Variants in GABRG3 observed in about 807,000 individuals in gnomAD.
GABRG3 encodes gamma-aminobutyric acid receptor subunit gamma-3.
A neutral mutation model predicts 48.8 loss-of-function variants in GABRG3; 25 were observed. The observed-to-expected ratio is 0.51, with a 90% CI of 0.37 to 0.72. The LOEUF (loss-of-function observed/expected upper bound fraction) is 0.72, where lower values mean the gene tolerates loss of function less well. GABRG3 is among the 30% of genes least tolerant of loss of function. The pLI is 0.00. For missense variants in GABRG3, 394 were observed against 577.9 expected (o/e 0.68, Z 3.26); for synonymous variants, 227 against 217.6 (o/e 1.04, Z -0.38).
chr15:27,532,474 A>C, intron 9 of GABRG3, 126 bp from the exon 10 acceptor site: 2 of 757,716 alleles, frequency 2.6e-6, no homozygotes, highest in East Asian at 3.1e-5. Flanking sequence ...CATGGGGGGA[A>C]GGGCACACCC....
At chr15:27,090,661 A>T (rs769311966) in intron 3 of GABRG3, among the ~76,000 whole-genome samples, 5 of 152,120 alleles carry the variant, frequency 3.3e-5, no homozygotes, top group Non-Finnish European at 7.4e-5. Context: ...TTTGTGTTTT[A>T]AAAAAATGTT....
chr15:27,299,911 A>C (rs1892136913), intron 3 of GABRG3, among the ~76,000 whole-genome samples: 1 of 152,218 alleles, frequency 6.6e-6, no homozygotes, highest in Non-Finnish European at 1.5e-5. Flanking sequence ...AGAGGTCAAG[A>C]AAATGACTCC....
At chr15:27,514,202 C>T (rs1890965932) in intron 6 of GABRG3, among the ~76,000 whole-genome samples, 1 of 152,212 alleles carries the variant, frequency 6.6e-6, no homozygotes, top group Non-Finnish European at 1.5e-5. Flanking sequence ...GTGACCAATG[C>T]TATTGTATTA....
At chr15:27,193,105 GT>G (rs1178946188) in intron 3 of GABRG3, among the ~76,000 whole-genome samples, 1 of 152,164 alleles carries the variant, frequency 6.6e-6, no homozygotes, top group Admixed American at 6.5e-5. Flanking sequence ...ATCCGGCCGT[GT>G]GAGGTGTCAG....
chr15:27,373,437 A>T (rs1288903692), intron 5 of GABRG3, among the ~76,000 whole-genome samples: 2 of 152,330 alleles, frequency 1.3e-5, no homozygotes, highest in African/African-American at 4.8e-5. Context: ...CCCTACAGGG[A>T]AATAAACCAC....
intron 5 of GABRG3, among the ~76,000 whole-genome samples, chr15:27,413,649 G>A (rs62003768): frequency 0.025 from 3,746 of 152,196 alleles, 70 homozygotes; most frequent in Non-Finnish European, 0.04. Context: ...TGTATAAGTT[G>A]TGGTTGATTT....
At chr15:27,468,057 A>C (rs1305022069) in intron 5 of GABRG3, among the ~76,000 whole-genome samples, 1 of 152,202 alleles carries the variant, frequency 6.6e-6, no homozygotes, top group Non-Finnish European at 1.5e-5. Context: ...ACAGTTATCA[A>C]ATCAACGGTC....
At chr15:27,113,203 A>G (rs549826158) in intron 3 of GABRG3, among the ~76,000 whole-genome samples, 32 of 152,132 alleles carry the variant, frequency 2.1e-4, no homozygotes, top group African/African-American at 7.7e-4. Context: ...CTTGACTGCA[A>G]TAATGATTAT....
At chr15:27,103,730 C>A (rs1897400324) in intron 3 of GABRG3, among the ~76,000 whole-genome samples, 1 of 152,126 alleles carries the variant, frequency 6.6e-6, no homozygotes, top group South Asian at 2.1e-4. Context: ...CAAGGAATGA[C>A]CAATTCTTGA....
chr15:27,464,083 T>C (rs997793506), intron 5 of GABRG3, among the ~76,000 whole-genome samples: 1 of 152,162 alleles, frequency 6.6e-6, no homozygotes, highest in African/African-American at 2.4e-5. Context: ...TTTAAATGAC[T>C]GCTTTATTGA....
chr15:27,112,789 G>A (rs772249382), intron 3 of GABRG3, among the ~76,000 whole-genome samples: 1 of 152,108 alleles, frequency 6.6e-6, no homozygotes, highest in African/African-American at 2.4e-5. Flanking sequence ...TATGTCCATT[G>A]TGTGGACACC....
intron 3 of GABRG3, among the ~76,000 whole-genome samples, chr15:27,127,611 A>G (rs920041925): frequency 2.6e-5 from 4 of 152,256 alleles, no homozygotes. Context: ...AAAGATACCA[A>G]CGAACAGAAT....
intron 5 of GABRG3, among the ~76,000 whole-genome samples, chr15:27,437,490 T>C (rs947873790): frequency 1.8e-4 from 28 of 152,222 alleles, no homozygotes; most frequent in Admixed American, 8.5e-4. Context: ...CTACTCCTTG[T>C]CCCTGCTCAC....
intron 2 of GABRG3, among the ~76,000 whole-genome samples, chr15:27,008,759 C>T (rs1189882784): frequency 1.3e-5 from 2 of 151,962 alleles, no homozygotes; most frequent in South Asian, 2.1e-4. Flanking sequence ...AAATGGCACC[C>T]GCAGAGCAGC....
At chr15:27,374,063 AT>A (rs1352558631) in intron 5 of GABRG3, among the ~76,000 whole-genome samples, 1 of 151,546 alleles carries the variant, frequency 6.6e-6, no homozygotes, top group Non-Finnish European at 1.5e-5. Flanking sequence ...GATTTTATAA[AT>A]GCAATTCTAA....
At chr15:27,237,166 C>A (rs145982141) in intron 3 of GABRG3, among the ~76,000 whole-genome samples, 1 of 152,230 alleles carries the variant, frequency 6.6e-6, no homozygotes, top group Non-Finnish European at 1.5e-5. Flanking sequence ...GAGCCTCCTT[C>A]AGACATATTT....
chr15:27,195,742 C>T (rs1409470307), intron 3 of GABRG3, among the ~76,000 whole-genome samples: 3 of 152,184 alleles, frequency 2.0e-5, no homozygotes. Flanking sequence ...TCAAGTGATT[C>T]TCCTGCCTCA....
At chr15:27,035,028 G>C (rs1160486945) in intron 3 of GABRG3, among the ~76,000 whole-genome samples, 1 of 152,166 alleles carries the variant, frequency 6.6e-6, no homozygotes, top group African/African-American at 2.4e-5. Flanking sequence ...ACAGGTAATG[G>C]AGCAACGCAG....
intron 3 of GABRG3, among the ~76,000 whole-genome samples, chr15:27,124,853 C>G (rs1375341159): frequency 6.6e-6 from 1 of 152,200 alleles, no homozygotes; most frequent in Non-Finnish European, 1.5e-5. Context: ...ACTTTGAAAG[C>G]TTGCCCAACC....
Sources: allele counts gnomAD v4.1 joint callset (sites outside exome capture counted in the v4.1 genomes callset), GRCh38; gene constraint gnomAD v4.1.1; transcripts MANE v1.5; gene names NCBI Gene and HGNC (gene_info 2026-07-23, HGNC 2026-07-21).